SP4: variants seen among roughly 807,000 people sequenced by gnomAD.
The protein encoded by SP4 is Sp4 transcription factor.
In SP4, 19 loss-of-function variants were observed where a neutral mutation model predicts 72.8. The ratio of observed to expected loss-of-function variants is 0.26; its 90% CI spans 0.18 to 0.38. The LOEUF (loss-of-function observed/expected upper bound fraction) is 0.38. Among genes scored for constraint, SP4 ranks in the 10% least tolerant of loss-of-function variants. SP4 has a pLI of 1.00. For synonymous variants in SP4, 395 were observed against 333.1 expected (o/e 1.19, Z -2.02); for missense variants, 1,008 against 926.3 (o/e 1.09, Z -1.14).
chr7:21,429,401 G>T lies in SP4; in HGVS notation c.236G>T (p.Gly79Val), dbSNP rs1469238105. Residue 79 changes from glycine (G) to valine (V), a missense_variant, in exon 3 of 6, where the codon GGA becomes GTA. Physicochemically the swap from Gly to Val is moderately radical, Grantham distance 109. Around this residue, in one of 3 missense-constraint regions of SP4, gnomAD observed 893 missense variants for 743.3 expected, o/e 1.20. Transcript: ENST00000222584. ...QQQIIIDPSQ[G>V]LVQLQNQPQQ... Reference sequence around the variant, plus strand: ...CAAATTATTATAGATCCAAGTCAAGGATTGGTGCAACTTCAAAATCAACCA... The same window carrying T: ...CAAATTATTATAGATCCAAGTCAAGTATTGGTGCAACTTCAAAATCAACCA... The T allele has an allele frequency of 2.5e-6, 4 of 1,613,944 alleles. No individual in the cohort carries two copies. Among genetic ancestry groups the T allele is most frequent in the Non-Finnish European group, 3.4e-6 (4 of 1,179,980 alleles).
intron 5 of SP4, among the ~76,000 whole-genome samples, chr7:21,497,075 A>T: frequency 6.6e-6 from 1 of 152,344 alleles, no homozygotes. Flanking sequence ...CCCAATTATT[A>T]TCCCCTGTCT....
chr7:21,429,213 G>A (rs1782742048), intron 2 of SP4, 76 bp from the exon 3 acceptor site: 1 of 739,410 alleles, frequency 1.4e-6, no homozygotes, highest in East Asian at 2.6e-5. Flanking sequence ...GTAACCCCCT[G>A]GCAACTACTG....
rs752145559 is a variant in SP4, at chr7:21,429,438, A to G, written c.273A>G (p.Glu91=). 6.8e-5 allele frequency: 110 copies of G among 1,614,082 alleles called. 2 individuals are homozygous for G. In the Middle Eastern group the frequency reaches 3.3e-3, roughly 48 times the overall value. The part of the protein sequence containing the change: ...VQLQNQPQQL[E]LVTTQLAGNA... The stretch of plus-strand genomic sequence containing the variant: ...TTCAAAATCAACCACAACAGCTAGA[A>G]CTGGTAACAACGCAACTTGCTGGAA... Residue 91 remains glutamate (E), a synonymous_variant, in exon 3 of 6, where the codon GAA becomes GAG. Coordinates refer to ENST00000222584, the MANE Select transcript of SP4 (RefSeq NM_003112.5).
At position 21,508,428 on chromosome 7, in the gene SP4, GC is replaced by G. The variant is rs1782061789; in HGVS notation, c.2108-2593del. On this transcript the variant is annotated intron_variant, in intron 5 of 5. Coordinates refer to ENST00000222584, the MANE Select transcript of SP4 (RefSeq NM_003112.5). Reference sequence around the variant, plus strand: ...GCAACCTCCACCCCGCCTGGTTCAAGCGATTCTCCTGCCTCAGCCTCCCAAG... The same window carrying G: ...GCAACCTCCACCCCGCCTGGTTCAAGGATTCTCCTGCCTCAGCCTCCCAAG... 3.9e-5 allele frequency among the ~76,000 whole-genome samples: 6 copies of G among 152,282 alleles called. No individual in the cohort carries two copies. In the South Asian group the frequency reaches 1.2e-3, roughly 32 times the overall value.
At chr7:21,482,971 CAT>C (rs1285833835) in intron 5 of SP4, among the ~76,000 whole-genome samples, 1 of 151,994 alleles carries the variant, frequency 6.6e-6, no homozygotes, top group Non-Finnish European at 1.5e-5. Flanking sequence ...TTGATGAGAA[CAT>C]GTGTGAGAAG....
At chr7:21,469,428 G>A (rs554607103) in intron 3 of SP4, among the ~76,000 whole-genome samples, 19 of 151,466 alleles carry the variant, frequency 1.3e-4, no homozygotes, top group African/African-American at 4.4e-4. Context: ...AAAATCAGAA[G>A]AAAAAGAAAC....
chr7:21,428,176 T>G lies in SP4; in HGVS notation c.-76T>G. ...ACCGCGGGCGGGCGGGACCGGCCTC[T>G]CCTCCCGCCTCGCCCCCACCCCCAC... On this transcript the variant is annotated 5_prime_UTR_variant, in exon 1 of 6. Transcript: ENST00000222584. 1 of 718,776 alleles carries G rather than the reference T, an allele frequency of 1.4e-6. No individual in the cohort carries two copies. Among genetic ancestry groups the G allele is most frequent in the Non-Finnish European group, 2.5e-6 (1 of 396,142 alleles). The allele number at this position is 718,776 out of a possible 1,614,324, so 44.5% of individuals were successfully genotyped here. A position where few individuals can be genotyped will look rare whatever the true frequency, so the allele number is the denominator to read the frequency against.
intron 5 of SP4, among the ~76,000 whole-genome samples, chr7:21,508,536 C>T (rs1253132251): frequency 6.6e-6 from 1 of 152,130 alleles, no homozygotes; most frequent in Non-Finnish European, 1.5e-5. Context: ...ACCATGTTGG[C>T]CAGGCTGGTC....
intron 5 of SP4, among the ~76,000 whole-genome samples, chr7:21,496,213 A>G (rs1483962704): frequency 6.6e-6 from 1 of 152,196 alleles, no homozygotes; most frequent in Non-Finnish European, 1.5e-5. Flanking sequence ...GTCAAAACTC[A>G]TAGAACTCTA....
chr7:21,501,370 C>T (rs945550969), intron 5 of SP4, among the ~76,000 whole-genome samples: 2 of 152,188 alleles, frequency 1.3e-5, no homozygotes, highest in Non-Finnish European at 2.9e-5. Context: ...TTACTTCCTT[C>T]GGTCTCATTT....
chr7:21,509,929 C>T (rs1446577246), intron 5 of SP4, among the ~76,000 whole-genome samples: 1 of 152,128 alleles, frequency 6.6e-6, no homozygotes, highest in Non-Finnish European at 1.5e-5. Flanking sequence ...GCCTCACAAT[C>T]ATGGTGGAGG....
intron 5 of SP4, among the ~76,000 whole-genome samples, chr7:21,508,157 A>G (rs964858957): frequency 6.6e-6 from 1 of 151,978 alleles, no homozygotes; most frequent in African/African-American, 2.4e-5. Flanking sequence ...GGCCACCCAA[A>G]TCGGGTGGGA....
chr7:21,491,898 T>A (rs57514875), intron 5 of SP4, among the ~76,000 whole-genome samples: 1 of 113,276 alleles, frequency 8.8e-6, no homozygotes, highest in Non-Finnish European at 1.9e-5. Flanking sequence ...CAAGGTAAAA[T>A]TAATTATACC....
intron 3 of SP4, among the ~76,000 whole-genome samples, chr7:21,475,374 A>G (rs1784468822): frequency 6.6e-6 from 1 of 152,040 alleles, no homozygotes; most frequent in Non-Finnish European, 1.5e-5. Context: ...TCAGCCTCCA[A>G]AAGTGCTGGG....
Position 21,428,200 on chromosome 7 carries a change from A to ATC in SP4, c.-52_-51insTC. 3.8e-6 allele frequency: 1 copy of ATC among 264,658 alleles called. No individual in the cohort carries two copies. The highest frequency in any genetic ancestry group is 5.4e-5 in the Admixed American group (1 of 18,622). 16.4% of individuals were successfully genotyped at this position (264,658 alleles called of 1,614,324 possible). On this transcript the variant is annotated 5_prime_UTR_variant, in exon 1 of 6. Transcript: ENST00000222584. ...CTCCTCCCGCCTCGCCCCCACCCCCACCCACCTCTATCCCAGTGTCTCCGT... is the reference window on the plus strand; with the variant it reads ...CTCCTCCCGCCTCGCCCCCACCCCCATCCCCACCTCTATCCCAGTGTCTCCGT...
intron 3 of SP4, among the ~76,000 whole-genome samples, chr7:21,439,869 C>G (rs1384626759): frequency 6.6e-6 from 1 of 152,186 alleles, no homozygotes; most frequent in Non-Finnish European, 1.5e-5. Flanking sequence ...TCACTGCACT[C>G]CAGTCTGGGT....
At chr7:21,480,751 C>T (rs1315728739) in intron 4 of SP4, among the ~76,000 whole-genome samples, 1 of 152,182 alleles carries the variant, frequency 6.6e-6, no homozygotes, top group Non-Finnish European at 1.5e-5. Context: ...ACTAGCCAAC[C>T]TGTAGTTAAG....
chr7:21,453,565 C>A lies in SP4; in HGVS notation c.1678+22722C>A, dbSNP rs530251832. 1.2e-4 allele frequency among the ~76,000 whole-genome samples: 19 copies of A among 152,308 alleles called. 1 individual carries two copies. In the South Asian group the frequency reaches 2.7e-3, roughly 22 times the overall value. On this transcript the variant is annotated intron_variant, in intron 3 of 5. Transcript: ENST00000222584. The stretch of plus-strand genomic sequence containing the variant: ...AACCCATACCAATAACACACTTACA[C>A]AAATACAGCCCAAAGAAAGCTGGAT...
intron 5 of SP4, among the ~76,000 whole-genome samples, chr7:21,506,328 T>C (rs1205514653): frequency 6.6e-6 from 1 of 152,128 alleles, no homozygotes; most frequent in African/African-American, 2.4e-5. Context: ...CCTGGTGGGA[T>C]CTACTCAGAA....
Sources: gnomAD v4.1 joint callset for allele counts (sites outside exome capture counted in the v4.1 genomes callset) on GRCh38, gnomAD v4.1.1 for gene constraint, gnomAD v4.1.1 regional missense constraint, MANE v1.5 for transcripts, NCBI Gene and HGNC (gene_info 2026-07-23, HGNC 2026-07-21) for gene names.